TLN2: variants seen among roughly 807,000 people sequenced by gnomAD.
TLN2 encodes talin-2.
Under a neutral mutation model 294.7 loss-of-function variants are expected in TLN2, and 118 were observed. That is an observed-to-expected ratio of 0.40 (90% CI 0.34 to 0.47). TLN2 has a LOEUF of 0.47. Among genes scored for constraint, TLN2 ranks in the 20% least tolerant of loss-of-function variants. TLN2 has a pLI of 0.84. For missense variants in TLN2, 3,083 were observed against 3,282.2 expected (o/e 0.94, Z 1.48); for synonymous variants, 1,431 against 1,304.5 (o/e 1.10, Z -2.09).
chr15:62,396,548 G>A (rs772050533), intron 1 of TLN2, among the ~76,000 whole-genome samples: 2 of 152,124 alleles, frequency 1.3e-5, no homozygotes, highest in Non-Finnish European at 2.9e-5. Context: ...TATACCTTCA[G>A]TGTAAAGGAT....
rs148984077 is a variant in TLN2, at chr15:62,420,703, C to T, written c.-238+30018C>T. On this transcript the variant is annotated intron_variant, in intron 1 of 58. Transcript: ENST00000636159. ...TAACAAAAGCCCATCAAGAGTTTTGCCTAGGCCTTTCCTGGGCCTTAAAGC... is the reference window on the plus strand; with the variant it reads ...TAACAAAAGCCCATCAAGAGTTTTGTCTAGGCCTTTCCTGGGCCTTAAAGC... Among the ~76,000 whole-genome samples the T allele has an allele frequency of 2.2e-4, 34 of 152,300 alleles. No homozygotes were observed. In the East Asian group the frequency reaches 6.4e-3, roughly 28 times the overall value.
rs1459036538 is a variant in TLN2 at position 62,844,333 on chromosome 15, T to G, written c.*3723T>G. On this transcript the variant is annotated 3_prime_UTR_variant, in exon 59 of 59. Transcript: ENST00000636159. ...AGTTTGGGTTGATTCTTTTAAATGC[T>G]ACAAACAAGAGCTATTTCTTTTCAA... 1 of 152,094 alleles carries G rather than the reference T, an allele frequency of 6.6e-6. No homozygotes were observed. The highest frequency in any genetic ancestry group is 1.5e-5 in the Non-Finnish European group (1 of 68,034). 9.4% of individuals were successfully genotyped at this position (152,094 alleles called of 1,614,324 possible).
chr15:62,747,324 T>C (rs1334519405), intron 32 of TLN2, among the ~76,000 whole-genome samples: 1 of 152,162 alleles, frequency 6.6e-6, no homozygotes, highest in Non-Finnish European at 1.5e-5. Context: ...TAGAAACAGG[T>C]AAAGTCATAT....
intron 1 of TLN2, among the ~76,000 whole-genome samples, chr15:62,550,263 G>T (rs778485394): frequency 6.6e-6 from 1 of 152,092 alleles, no homozygotes; most frequent in Non-Finnish European, 1.5e-5. Flanking sequence ...TAATAGTTTA[G>T]GTTTATTTTT....
intron 1 of TLN2, among the ~76,000 whole-genome samples, chr15:62,519,384 G>A (rs2040345744): frequency 1.3e-5 from 2 of 152,142 alleles, no homozygotes; most frequent in Admixed American, 6.5e-5. Context: ...TTCTGTTAGT[G>A]TTCACACCTT....
intron 3 of TLN2, among the ~76,000 whole-genome samples, chr15:62,630,274 T>C (rs1396131418): frequency 1.6e-5 from 2 of 128,344 alleles, no homozygotes; most frequent in Non-Finnish European, 3.4e-5. Context: ...CAGACTTGGG[T>C]TTTAGACTAG....
intron 3 of TLN2, among the ~76,000 whole-genome samples, chr15:62,631,951 A>G (rs1480693204): frequency 2.0e-5 from 3 of 152,066 alleles, no homozygotes; most frequent in Admixed American, 2.0e-4. Context: ...TGTCAACCTC[A>G]GTTTCATCAG....
intron 1 of TLN2, among the ~76,000 whole-genome samples, chr15:62,403,238 A>T (rs1381350321): frequency 6.6e-6 from 1 of 151,818 alleles, no homozygotes; most frequent in Admixed American, 6.6e-5. Context: ...AAGAGAGGAA[A>T]AAAAAAAACA....
In TLN2 at chr15:62,765,574, C is replaced by T. The variant is rs557600426; in HGVS notation, c.5095-747C>T. Among the ~76,000 whole-genome samples, 8 of 152,178 alleles carry T rather than the reference C, an allele frequency of 5.3e-5. No homozygotes were observed. The East Asian group carries it at 7.7e-4, about 15-fold the overall frequency. The stretch of plus-strand genomic sequence containing the variant: ...TAATCCTGTATCTATCAGTGAAGCT[C>T]GTATGAATAGTCCTACAGAGGGATC... On this transcript the variant is annotated intron_variant, in intron 40 of 58. Coordinates refer to ENST00000636159, the MANE Select transcript of TLN2 (RefSeq NM_015059.3).
intron 19 of TLN2, among the ~76,000 whole-genome samples, chr15:62,706,072 C>T (rs907813833): frequency 6.6e-6 from 1 of 152,112 alleles, no homozygotes; most frequent in African/African-American, 2.4e-5. Flanking sequence ...CTGTGGGTGC[C>T]CTTTACATTT....
chr15:62,642,346 C>G (rs1357270452), intron 3 of TLN2, among the ~76,000 whole-genome samples: 1 of 152,196 alleles, frequency 6.6e-6, no homozygotes, highest in Non-Finnish European at 1.5e-5. Flanking sequence ...AGAAATTGTA[C>G]ACAGATTTGG....
At chr15:62,648,303 C>T (rs143557038) in intron 4 of TLN2, among the ~76,000 whole-genome samples, 3 of 148,370 alleles carry the variant, frequency 2.0e-5, no homozygotes, top group Non-Finnish European at 4.5e-5. Flanking sequence ...TGCCTGTAGT[C>T]TCAGGGCAGG....
chr15:62,614,843 T>C (rs2048185732), intron 2 of TLN2, among the ~76,000 whole-genome samples: 1 of 152,226 alleles, frequency 6.6e-6, no homozygotes, highest in African/African-American at 2.4e-5. Flanking sequence ...CAGTTTGAGA[T>C]GGAGTTTCGC....
intron 1 of TLN2, among the ~76,000 whole-genome samples, chr15:62,442,542 G>A (rs1444432875): frequency 1.3e-5 from 2 of 149,968 alleles, no homozygotes; most frequent in African/African-American, 4.9e-5. Context: ...GCTGGTGTCT[G>A]CTGGAGAGTC....
At chr15:62,640,234 G>A (rs538159111) in intron 3 of TLN2, 1 of 456,038 alleles carries the variant, frequency 2.2e-6, no homozygotes, top group East Asian at 6.9e-5. Context: ...TCTTTCTTTG[G>A]TGTTTCTTTG....
At chr15:62,706,769 A>C (rs2141115743) in intron 19 of TLN2, among the ~76,000 whole-genome samples, 1 of 152,312 alleles carries the variant, frequency 6.6e-6, no homozygotes, top group South Asian at 2.1e-4. Context: ...CCACTCATTC[A>C]AGAGACGTGG....
intron 1 of TLN2, among the ~76,000 whole-genome samples, chr15:62,510,049 G>C (rs930502188): frequency 6.6e-6 from 1 of 152,204 alleles, no homozygotes; most frequent in African/African-American, 2.4e-5. Context: ...AAGACAATTG[G>C]GATCTTCCCA....
intron 4 of TLN2, 25 bp downstream of exon 4, chr15:62,647,471 T>G (rs779158349): frequency 1.2e-5 from 20 of 1,612,860 alleles, no homozygotes; most frequent in Non-Finnish European, 1.4e-5. Context: ...ATTTACTGGC[T>G]TCTTAAAACG....
chr15:62,469,775 CT>C (rs1232437235), intron 1 of TLN2, among the ~76,000 whole-genome samples: 1 of 152,210 alleles, frequency 6.6e-6, no homozygotes, highest in Non-Finnish European at 1.5e-5. Flanking sequence ...TACTGGCTCT[CT>C]TCTAGCTAAA....
Sources: allele counts gnomAD v4.1 joint callset (sites outside exome capture counted in the v4.1 genomes callset), GRCh38; gene constraint gnomAD v4.1.1; transcripts MANE v1.5; gene names NCBI Gene and HGNC (gene_info 2026-07-23, HGNC 2026-07-21).